FARSB: variants seen among roughly 807,000 people sequenced by gnomAD.
FARSB encodes the protein phenylalanine--tRNA ligase beta subunit.
Under a neutral mutation model 69.6 loss-of-function variants are expected in FARSB, and 40 were observed. The observed-to-expected ratio is 0.57, with a 90% CI of 0.45 to 0.75. The LOEUF is 0.75. Ranked by LOEUF, FARSB falls within the 30% of genes least tolerant of loss-of-function variation. FARSB has a pLI of 0.00. For synonymous variants in FARSB, 235 were observed against 247.2 expected (o/e 0.95, Z 0.46); for missense variants, 632 against 722.9 (o/e 0.87, Z 1.44).
chr2:222,644,347 A>G (rs948684404), intron 2 of FARSB, among the ~76,000 whole-genome samples: 16 of 152,138 alleles, frequency 1.1e-4, no homozygotes, highest in Non-Finnish European at 4.4e-5. Flanking sequence ...GCAAATTTTT[A>G]TAATTAGGGA....
chr2:222,593,749 T>G (rs913841554), intron 16 of FARSB, among the ~76,000 whole-genome samples: 1 of 151,742 alleles, frequency 6.6e-6, no homozygotes, highest in Non-Finnish European at 1.5e-5. Flanking sequence ...TACGTGCCTG[T>G]AGTCCCGGCT....
chr2:222,618,097 A>G (rs1218246048), intron 14 of FARSB, among the ~76,000 whole-genome samples: 1 of 152,172 alleles, frequency 6.6e-6, no homozygotes, highest in African/African-American at 2.4e-5. Context: ...AAAATAAAAT[A>G]TAACAACTCA....
intron 2 of FARSB, among the ~76,000 whole-genome samples, chr2:222,647,384 G>A (rs1385350860): frequency 1.3e-5 from 2 of 152,180 alleles, no homozygotes; most frequent in Admixed American, 1.3e-4. Context: ...TAGCTCTCTA[G>A]AGCTCAAGAC....
intron 14 of FARSB, among the ~76,000 whole-genome samples, chr2:222,619,367 A>T (rs917516347): frequency 6.6e-6 from 1 of 151,936 alleles, no homozygotes; most frequent in Admixed American, 6.6e-5. Flanking sequence ...TAAAAAATCA[A>T]TTATGAAATG....
At chr2:222,602,870 T>C (rs1690599310) in intron 15 of FARSB, among the ~76,000 whole-genome samples, 2 of 152,154 alleles carry the variant, frequency 1.3e-5, no homozygotes, top group African/African-American at 4.8e-5. Flanking sequence ...TTCCTAAGTA[T>C]GTTATCATTT....
intron 15 of FARSB, among the ~76,000 whole-genome samples, chr2:222,602,170 CT>C (rs1690577946): frequency 6.6e-6 from 1 of 152,052 alleles, no homozygotes; most frequent in Non-Finnish European, 1.5e-5. Flanking sequence ...ATATGACATT[CT>C]GGAAAAGGCC....
At chr2:222,633,682 CAAAAAAAAAAA>C (rs10596934) in intron 6 of FARSB, among the ~76,000 whole-genome samples, 1 of 88,204 alleles carries the variant, frequency 1.1e-5, no homozygotes, top group South Asian at 3.9e-4. Context: ...AACTCCGTCT[CAAAAAAAAAAA>C]AAAAAAAAAA....
chr2:222,595,670 T>C (rs1316342514), intron 16 of FARSB, among the ~76,000 whole-genome samples: 1 of 151,870 alleles, frequency 6.6e-6, no homozygotes, highest in Non-Finnish European at 1.5e-5. Flanking sequence ...GGTAACAAGC[T>C]AAAGGGGAAA....
At chr2:222,650,483 G>A (rs1026128983) in intron 1 of FARSB, among the ~76,000 whole-genome samples, 9 of 152,154 alleles carry the variant, frequency 5.9e-5, no homozygotes, top group Non-Finnish European at 1.3e-4. Context: ...TATGAAAAAC[G>A]TTAAAGAGGT....
chr2:222,575,334 A>G (rs1327874687), intron 16 of FARSB, among the ~76,000 whole-genome samples: 2 of 152,386 alleles, frequency 1.3e-5, no homozygotes, highest in African/African-American at 4.8e-5. Flanking sequence ...GGCTAACCTT[A>G]TAGCATCAAC....
At chr2:222,608,994 T>C (rs1574929518) in intron 15 of FARSB, among the ~76,000 whole-genome samples, 2 of 152,238 alleles carry the variant, frequency 1.3e-5, no homozygotes, top group African/African-American at 4.8e-5. Context: ...AAATTGACAA[T>C]TGGAGGATTG....
intron 10 of FARSB, among the ~76,000 whole-genome samples, chr2:222,628,408 G>A (rs1398295819): frequency 6.6e-6 from 1 of 152,022 alleles, no homozygotes; most frequent in African/African-American, 2.4e-5. Context: ...ACATCACACT[G>A]TACCCCATAA....
At chr2:222,613,043 C>T (rs960778117) in intron 15 of FARSB, among the ~76,000 whole-genome samples, 7 of 152,124 alleles carry the variant, frequency 4.6e-5, no homozygotes, top group African/African-American at 1.4e-4. Context: ...ATATAAATCA[C>T]GCCATATAAG....
rs542992281 is a variant in FARSB at position 222,623,605 on chromosome 2, T to A, written c.1251+45A>T. On this transcript the variant is annotated intron_variant, in intron 13 of 16. Coordinates refer to ENST00000281828, the MANE Select transcript of FARSB (RefSeq NM_005687.5). Reference sequence around the variant, plus strand: ...ATCATAGAATAAATAATTCAGAGAGTCTAAGTAAATAATCATCTGGGCAGA... The same window carrying A: ...ATCATAGAATAAATAATTCAGAGAGACTAAGTAAATAATCATCTGGGCAGA... 6 of 997,996 alleles carry A rather than the reference T, an allele frequency of 6.0e-6. No individual in the cohort carries two copies. In the South Asian group the frequency reaches 7.6e-5, roughly 13 times the overall value. The allele number at this position is 997,996 out of a possible 1,614,324, so 61.8% of individuals were successfully genotyped here. A position where few individuals can be genotyped will look rare whatever the true frequency, so the allele number is the denominator to read the frequency against.
At chr2:222,609,117 G>T (rs1272873149) in intron 15 of FARSB, among the ~76,000 whole-genome samples, 1 of 152,016 alleles carries the variant, frequency 6.6e-6, no homozygotes, top group Non-Finnish European at 1.5e-5. Flanking sequence ...GTTTTCTCTT[G>T]CCATTTCAGA....
At chr2:222,649,292 AAAAAACT>A (rs1691965178) in intron 1 of FARSB, among the ~76,000 whole-genome samples, 1 of 151,678 alleles carries the variant, frequency 6.6e-6, no homozygotes, top group Non-Finnish European at 1.5e-5. Context: ...TAAAAAAAAG[AAAAAACT>A]ATTAAAGGCT....
intron 1 of FARSB, among the ~76,000 whole-genome samples, chr2:222,655,324 G>A (rs1692144121): frequency 6.6e-6 from 1 of 152,006 alleles, no homozygotes; most frequent in African/African-American, 2.4e-5. Context: ...ATGAAATGTA[G>A]AATGAAGTCT....
chr2:222,618,464 A>C (rs1028865285), intron 14 of FARSB, among the ~76,000 whole-genome samples: 1 of 152,164 alleles, frequency 6.6e-6, no homozygotes, highest in Non-Finnish European at 1.5e-5. Context: ...TTGATTCTAG[A>C]AGAAGACATG....
At chr2:222,599,042 TAAAC>T (rs1690496007) in intron 16 of FARSB, among the ~76,000 whole-genome samples, 1 of 149,414 alleles carries the variant, frequency 6.7e-6, no homozygotes, top group Non-Finnish European at 1.5e-5. Context: ...AAACAAAAAT[TAAAC>T]AACCACCAAC....
Sources: gnomAD v4.1 joint callset for allele counts (sites outside exome capture counted in the v4.1 genomes callset) on GRCh38, gnomAD v4.1.1 for gene constraint, MANE v1.5 for transcripts, NCBI Gene and HGNC (gene_info 2026-07-23, HGNC 2026-07-21) for gene names.